Variants in HECW2 observed in about 807,000 individuals in gnomAD.
HECW2 encodes the protein HECT, C2 and WW domain containing E3 ubiquitin protein ligase 2.
Under a neutral mutation model 175.2 loss-of-function variants are expected in HECW2, and 61 were observed. The ratio of observed to expected loss-of-function variants is 0.35; its 90% CI spans 0.28 to 0.43. The LOEUF is 0.43. Among genes scored for constraint, HECW2 ranks in the 20% least tolerant of loss-of-function variants. HECW2 has a pLI of 1.00. For missense variants in HECW2, 1,524 were observed against 2,000.5 expected (o/e 0.76, Z 4.54); for synonymous variants, 671 against 731.0 (o/e 0.92, Z 1.32).
At chr2:196,397,615 AC>A (rs1694706985) in intron 2 of HECW2, among the ~76,000 whole-genome samples, 2 of 152,234 alleles carry the variant, frequency 1.3e-5, no homozygotes, top group African/African-American at 4.8e-5. Flanking sequence ...GATAATAGTG[AC>A]AGAATCCCCT....
At chr2:196,560,335 G>A (rs189317531) in intron 1 of HECW2, among the ~76,000 whole-genome samples, 1,839 of 152,104 alleles carry the variant, frequency 0.012, 40 homozygotes, top group African/African-American at 0.042. Context: ...TAGTAGAGAC[G>A]GGGTTTCACC....
chr2:196,427,133 ACTT>A (rs1215156907), intron 2 of HECW2, among the ~76,000 whole-genome samples: 1 of 46,748 alleles, frequency 2.1e-5, no homozygotes, highest in Non-Finnish European at 6.6e-5. Flanking sequence ...ACATCAAGAA[ACTT>A]CAGATGATTT....
rs138277290 is a variant in HECW2, at chr2:196,319,556, G to A, written c.1334C>T (p.Pro445Leu). ...AGTGGGAAAACTACTCCTCAGTTTC[G>A]GAGAGGCACCCATGGACCTCTCAGA... ...TCSERSMGAS[P>L]KLRSSFPTDT... Residue 445 changes from proline to leucine, a missense_variant, in exon 9 of 29, where the codon CCG (proline) becomes CTG (leucine). Pro to Leu is a moderately conservative substitution (Grantham distance 98). Around this residue, in one of 11 missense-constraint regions of HECW2, gnomAD observed 604 missense variants for 588.3 expected, o/e 1.03. Transcript: ENST00000644978. 1.2e-5 allele frequency: 20 copies of A among 1,614,020 alleles called. No homozygotes were observed. Among genetic ancestry groups the A allele is most frequent in the Admixed American group, 3.3e-5 (2 of 60,000 alleles).
intron 2 of HECW2, among the ~76,000 whole-genome samples, chr2:196,386,137 A>C (rs1041641755): frequency 1.3e-5 from 2 of 152,250 alleles, no homozygotes; most frequent in African/African-American, 2.4e-5. Context: ...CTTAGGATAC[A>C]TGAGTGAATT....
chr2:196,361,648 T>G (rs912273656), intron 2 of HECW2, among the ~76,000 whole-genome samples: 1 of 152,186 alleles, frequency 6.6e-6, no homozygotes, highest in Non-Finnish European at 1.5e-5. Context: ...AAGTGATAAA[T>G]GTGCCACATA....
intron 2 of HECW2, among the ~76,000 whole-genome samples, chr2:196,398,999 G>A (rs1694745694): frequency 1.3e-5 from 2 of 152,064 alleles, no homozygotes; most frequent in Non-Finnish European, 2.9e-5. Flanking sequence ...AAAAAATAGA[G>A]ACAAAAGTAT....
At chr2:196,528,504 G>A (rs182187798) in intron 1 of HECW2, among the ~76,000 whole-genome samples, 4 of 152,310 alleles carry the variant, frequency 2.6e-5, no homozygotes, top group Admixed American at 1.3e-4. Flanking sequence ...AGTCAGTGGT[G>A]AGAATCAGGG....
intron 27 of HECW2, among the ~76,000 whole-genome samples, chr2:196,216,249 C>G (rs1687470698): frequency 6.6e-6 from 1 of 152,168 alleles, no homozygotes; most frequent in African/African-American, 2.4e-5. Flanking sequence ...AGCTCAGAAG[C>G]TTAAACCGGG....
intron 1 of HECW2, among the ~76,000 whole-genome samples, chr2:196,568,375 C>G (rs1218972372): frequency 3.9e-5 from 6 of 152,116 alleles, no homozygotes; most frequent in Admixed American, 3.3e-4. Flanking sequence ...AAATGGAGAC[C>G]TGAAGTGTGA....
intron 7 of HECW2, among the ~76,000 whole-genome samples, chr2:196,321,936 C>T (rs1051385873): frequency 5.9e-5 from 9 of 152,094 alleles, no homozygotes; most frequent in African/African-American, 1.4e-4. Context: ...AAAAAGCTCA[C>T]AAAAAGAAAA....
chr2:196,251,537 A>G (rs1278055910), intron 19 of HECW2, among the ~76,000 whole-genome samples: 1 of 152,168 alleles, frequency 6.6e-6, no homozygotes, highest in Non-Finnish European at 1.5e-5. Context: ...GTCCAACACC[A>G]AACTCACTCA....
intron 1 of HECW2, among the ~76,000 whole-genome samples, chr2:196,434,515 A>G (rs1280765984): frequency 6.6e-6 from 1 of 152,030 alleles, no homozygotes; most frequent in Non-Finnish European, 1.5e-5. Context: ...ACAGACAGAG[A>G]CTCCAGTACC....
At chr2:196,398,413 C>T (rs1294884973) in intron 2 of HECW2, among the ~76,000 whole-genome samples, 1 of 152,112 alleles carries the variant, frequency 6.6e-6, no homozygotes, top group Non-Finnish European at 1.5e-5. Flanking sequence ...TTTTCAAAAA[C>T]AAGAGATATT....
chr2:196,469,561 TA>T (rs1443958675), intron 1 of HECW2, among the ~76,000 whole-genome samples: 1 of 152,012 alleles, frequency 6.6e-6, no homozygotes, highest in African/African-American at 2.4e-5. Flanking sequence ...ATAAAAAGTA[TA>T]GGGGTACTGA....
intron 19 of HECW2, among the ~76,000 whole-genome samples, chr2:196,252,093 G>A (rs1688875667): frequency 6.6e-6 from 1 of 151,468 alleles, no homozygotes. Context: ...TAGCTACTGG[G>A]GAGGCTGAGG....
At chr2:196,541,244 T>C (rs1689201769) in intron 1 of HECW2, among the ~76,000 whole-genome samples, 1 of 152,034 alleles carries the variant, frequency 6.6e-6, no homozygotes, top group Non-Finnish European at 1.5e-5. Flanking sequence ...CCAGCTCTAC[T>C]TGTTATTGTA....
intron 2 of HECW2, among the ~76,000 whole-genome samples, chr2:196,357,745 C>A (rs1051537777): frequency 9.2e-5 from 14 of 152,116 alleles, no homozygotes; most frequent in Non-Finnish European, 1.5e-5. Context: ...CAAGTGAGTT[C>A]TCATGAGATC....
chr2:196,238,183 C>G (rs1688320889), intron 21 of HECW2, among the ~76,000 whole-genome samples: 1 of 152,168 alleles, frequency 6.6e-6, no homozygotes. Flanking sequence ...GAGCCAAGAT[C>G]ATGCCACTGC....
intron 7 of HECW2, among the ~76,000 whole-genome samples, chr2:196,322,261 A>G (rs1689950145): frequency 6.6e-6 from 1 of 152,266 alleles, no homozygotes; most frequent in South Asian, 2.1e-4. Context: ...CAGTGGGTAC[A>G]TCTTGGAAAA....
Sources: gnomAD v4.1 joint callset for allele counts (sites outside exome capture counted in the v4.1 genomes callset) on GRCh38, gnomAD v4.1.1 for gene constraint, gnomAD v4.1.1 regional missense constraint, MANE v1.5 for transcripts, NCBI Gene and HGNC (gene_info 2026-07-23, HGNC 2026-07-21) for gene names.